The following CTNND2 variants were observed in gnomAD, a reference collection of about 807,000 sequenced individuals.
CTNND2 encodes catenin delta 2, also known as catenin delta-2.
A neutral mutation model predicts 144.4 loss-of-function variants in CTNND2; 22 were observed. The observed-to-expected ratio is 0.15, with a 90% confidence interval of 0.11 to 0.22. CTNND2 has a LOEUF of 0.22. Among genes scored for constraint, CTNND2 ranks in the 10% least tolerant of loss-of-function variants. CTNND2 has a pLI of 1.00. For missense variants in CTNND2, 1,353 were observed against 1,618.8 expected (o/e 0.84, Z 2.82); for synonymous variants, 751 against 695.6 (o/e 1.08, Z -1.25).
chr5:11,524,382 C>G (rs908147323), intron 3 of CTNND2, among the ~76,000 whole-genome samples: 2 of 152,132 alleles, frequency 1.3e-5, no homozygotes, highest in Non-Finnish European at 2.9e-5. Context: ...GAATGAAATG[C>G]TTTTGTTCTT....
chr5:11,593,960 A>C (rs894968457), intron 2 of CTNND2, among the ~76,000 whole-genome samples: 13 of 152,344 alleles, frequency 8.5e-5, no homozygotes, highest in Middle Eastern at 3.4e-3. Flanking sequence ...GAACTTTCAT[A>C]AAACTGTAAG....
chr5:11,106,837 AG>A lies in CTNND2; in HGVS notation c.2463+4020del, dbSNP rs149294594. On this transcript the variant is annotated intron_variant, in intron 14 of 21. Transcript: ENST00000304623. ...GCCACTACGAGCCAGTCTAGGCCAC[AG>A]GGATGTAACAGTGATGTGTGCAACT... is the stretch of plus-strand genomic sequence containing the variant. Among the ~76,000 whole-genome samples the A allele has an allele frequency of 3.1e-3, 477 of 152,264 alleles. 2 individuals are homozygous for A. The highest frequency in any genetic ancestry group is 1.0e-2 in the South Asian group (48 of 4,816).
intron 3 of CTNND2, among the ~76,000 whole-genome samples, chr5:11,422,161 A>T (rs1394506667): frequency 6.6e-6 from 1 of 152,206 alleles, no homozygotes; most frequent in Non-Finnish European, 1.5e-5. Context: ...CTGGGGACCA[A>T]TACATATTAT....
chr5:10,973,061 C>T lies in CTNND2; in HGVS notation c.*392G>A, dbSNP rs1328794071. ...CAACGGATGAAGAGAGTAAACAAAG[C>T]GTGAGAAGCCGTCCCCCACACAGTG... On this transcript the variant is annotated 3_prime_UTR_variant, in exon 22 of 22. Transcript: ENST00000304623. This position sits in a 1 kb window ranked among gnomAD's most constrained non-coding sequence, Gnocchi z 5.6. The T allele has an allele frequency of 1.2e-5, 2 of 161,292 alleles. No homozygotes were observed. Among genetic ancestry groups the T allele is most frequent in the Non-Finnish European group, 2.7e-5 (2 of 74,148 alleles). The allele number at this position is 161,292 out of a possible 1,614,324, so 10.0% of individuals were successfully genotyped here. A position where few individuals can be genotyped will look rare whatever the true frequency, so the allele number is the denominator to read the frequency against.
chr5:11,712,205 A>G (rs1322141841), intron 2 of CTNND2, among the ~76,000 whole-genome samples: 1 of 152,228 alleles, frequency 6.6e-6, no homozygotes, highest in Non-Finnish European at 1.5e-5. Flanking sequence ...TTAACTCAAC[A>G]GGGAGAAAAA....
intron 2 of CTNND2, among the ~76,000 whole-genome samples, chr5:11,656,946 C>T (rs574560569): frequency 1.2e-4 from 18 of 152,216 alleles, no homozygotes; most frequent in South Asian, 2.1e-4. Context: ...ATTCAACAAA[C>T]GCTCTAAGGG....
chr5:11,756,830 C>A (rs1003338275), intron 1 of CTNND2, among the ~76,000 whole-genome samples: 4 of 151,308 alleles, frequency 2.6e-5, no homozygotes, highest in African/African-American at 9.7e-5. Context: ...TTAGTTCTCT[C>A]CTCTACAAAT....
At chr5:11,402,709 G>A (rs1760739735) in intron 5 of CTNND2, among the ~76,000 whole-genome samples, 1 of 152,208 alleles carries the variant, frequency 6.6e-6, no homozygotes, top group Non-Finnish European at 1.5e-5. Flanking sequence ...AATGAGCTGA[G>A]AGAAAAAGCC....
intron 3 of CTNND2, among the ~76,000 whole-genome samples, chr5:11,515,347 G>A (rs187349682): frequency 1.1e-4 from 16 of 152,296 alleles, no homozygotes; most frequent in Admixed American, 9.8e-4. Context: ...CAAGACCACA[G>A]TAACGCAATG....
At chr5:11,660,856 T>G (rs1321321941) in intron 2 of CTNND2, among the ~76,000 whole-genome samples, 1 of 152,118 alleles carries the variant, frequency 6.6e-6, no homozygotes, top group Non-Finnish European at 1.5e-5. Context: ...TACACAAATC[T>G]ATGTAGGATC....
chr5:11,212,183 TGTTCA>T (rs1425134515), intron 10 of CTNND2, among the ~76,000 whole-genome samples: 1 of 152,230 alleles, frequency 6.6e-6, no homozygotes, highest in African/African-American at 2.4e-5. Context: ...ATTCCAGTTT[TGTTCA>T]GTTCAGCTGA....
At chr5:11,765,795 T>C (rs1055739993) in intron 1 of CTNND2, among the ~76,000 whole-genome samples, 3 of 152,146 alleles carry the variant, frequency 2.0e-5, no homozygotes, top group African/African-American at 7.2e-5. Context: ...ACACAGCTTA[T>C]TGTTAGAAAA....
At chr5:11,544,726 T>A (rs866530393) in intron 3 of CTNND2, among the ~76,000 whole-genome samples, 47 of 152,260 alleles carry the variant, frequency 3.1e-4, no homozygotes, top group African/African-American at 1.0e-3. Context: ...CTCATGCCTG[T>A]AATCCCAGAA....
intron 16 of CTNND2, among the ~76,000 whole-genome samples, chr5:11,057,638 C>T (rs2149590429): frequency 6.6e-6 from 1 of 152,256 alleles, no homozygotes; most frequent in Non-Finnish European, 1.5e-5. Flanking sequence ...ACATTGGTAC[C>T]AGTAGAGTGG....
At chr5:11,310,175 C>T (rs1750650999) in intron 9 of CTNND2, among the ~76,000 whole-genome samples, 1 of 152,056 alleles carries the variant, frequency 6.6e-6, no homozygotes, top group Admixed American at 6.5e-5. Flanking sequence ...AGGTCCTGGG[C>T]TAGGCAGTGG....
chr5:11,051,561 AAAG>A (rs1745827656), intron 16 of CTNND2, among the ~76,000 whole-genome samples: 1 of 152,252 alleles, frequency 6.6e-6, no homozygotes, highest in Non-Finnish European at 1.5e-5. Flanking sequence ...TGAGACTAAT[AAAG>A]AAGTATGTAA....
chr5:11,663,013 T>G (rs1235299289), intron 2 of CTNND2, among the ~76,000 whole-genome samples: 2 of 152,168 alleles, frequency 1.3e-5, no homozygotes, highest in Non-Finnish European at 2.9e-5. Flanking sequence ...CCATGTGTTG[T>G]GAGAATGAGA....
intron 16 of CTNND2, among the ~76,000 whole-genome samples, chr5:11,074,332 G>T (rs1256936792): frequency 6.6e-6 from 1 of 152,112 alleles, no homozygotes; most frequent in East Asian, 1.9e-4. Flanking sequence ...TCTCAGTTTC[G>T]CCAGCAGACA....
At chr5:11,305,276 C>T (rs1292469926) in intron 9 of CTNND2, among the ~76,000 whole-genome samples, 1 of 152,162 alleles carries the variant, frequency 6.6e-6, no homozygotes, top group Non-Finnish European at 1.5e-5. Flanking sequence ...CCAGGATCGC[C>T]CCACTGTCAG....
Sources: allele counts gnomAD v4.1 joint callset (sites outside exome capture counted in the v4.1 genomes callset), GRCh38; gene constraint gnomAD v4.1.1; non-coding constraint Gnocchi (gnomAD v3.1); transcripts MANE v1.5; gene names NCBI Gene and HGNC (gene_info 2026-07-23, HGNC 2026-07-21).